Variants in CNTN5 observed in about 807,000 individuals in gnomAD.
The protein encoded by CNTN5 is contactin-5.
A neutral mutation model predicts 129.1 loss-of-function variants in CNTN5; 77 were observed. That is an observed-to-expected ratio of 0.60 (90% CI 0.50 to 0.72). The LOEUF is 0.72. CNTN5 is among the 30% of genes least tolerant of loss of function. The probability of loss-of-function intolerance (pLI) is 0.00; values close to 1 mark genes in which losing one functional copy is unlikely to be tolerated. For missense variants in CNTN5, 1,478 were observed against 1,328.8 expected (o/e 1.11, Z -1.75); for synonymous variants, 509 against 465.6 (o/e 1.09, Z -1.20).
chr11:99,702,628 A>G (rs1162621373), intron 3 of CNTN5, among the ~76,000 whole-genome samples: 1 of 150,930 alleles, frequency 6.6e-6, no homozygotes, highest in East Asian at 1.9e-4. Flanking sequence ...ATATTTCAAA[A>G]TTGGATCATA....
At chr11:100,181,561 T>A (rs60916289) in intron 13 of CNTN5, among the ~76,000 whole-genome samples, 4,697 of 151,918 alleles carry the variant, frequency 0.031, 240 homozygotes, top group African/African-American at 0.11. Flanking sequence ...AAATGCGCAC[T>A]TACACAAATA....
chr11:99,297,366 G>C (rs1864434848), intron 1 of CNTN5, among the ~76,000 whole-genome samples: 1 of 152,082 alleles, frequency 6.6e-6, no homozygotes, highest in African/African-American at 2.4e-5. Context: ...TTTTAGGGAG[G>C]AAAAGGCTCC....
At chr11:99,719,730 A>G (rs1943103204) in intron 3 of CNTN5, among the ~76,000 whole-genome samples, 1 of 152,114 alleles carries the variant, frequency 6.6e-6, no homozygotes, top group Admixed American at 6.6e-5. Context: ...CAAAACTTCA[A>G]GAGATCAACA....
At chr11:99,318,299 G>A (rs1267817256) in intron 1 of CNTN5, among the ~76,000 whole-genome samples, 1 of 152,062 alleles carries the variant, frequency 6.6e-6, no homozygotes, top group Non-Finnish European at 1.5e-5. Flanking sequence ...GAGAAGTTAA[G>A]GAAAGCATGT....
chr11:99,959,829 G>A (rs1183631609), intron 8 of CNTN5, among the ~76,000 whole-genome samples: 4 of 152,108 alleles, frequency 2.6e-5, no homozygotes, highest in Admixed American at 6.6e-5. Context: ...ACATCGTTCA[G>A]TAACAGTCTT....
intron 1 of CNTN5, among the ~76,000 whole-genome samples, chr11:99,227,604 A>G (rs1591384583): frequency 6.6e-6 from 1 of 152,166 alleles, no homozygotes; most frequent in East Asian, 1.9e-4. Context: ...TGTTTTAAAA[A>G]TTCTTTAACA....
chr11:99,267,727 A>G (rs953089289), intron 1 of CNTN5, among the ~76,000 whole-genome samples: 2 of 152,036 alleles, frequency 1.3e-5, no homozygotes, highest in Admixed American at 6.6e-5. Context: ...ATAAGCATCC[A>G]TTTCATTGAA....
chr11:99,639,863 C>CTTTTGAATT (rs1347694761), intron 3 of CNTN5, among the ~76,000 whole-genome samples: 1 of 151,998 alleles, frequency 6.6e-6, no homozygotes, highest in Non-Finnish European at 1.5e-5. Flanking sequence ...CACGTCAGTC[C>CTTTTGAATT]CAAGTCAGCT....
chr11:99,861,974 A>T (rs930760270), intron 6 of CNTN5, among the ~76,000 whole-genome samples: 1 of 152,186 alleles, frequency 6.6e-6, no homozygotes, highest in Non-Finnish European at 1.5e-5. Flanking sequence ...ACTGTAATTC[A>T]AACTTTATTA....
At chr11:99,551,605 GA>G (rs1948484523) in intron 2 of CNTN5, among the ~76,000 whole-genome samples, 2 of 152,122 alleles carry the variant, frequency 1.3e-5, no homozygotes, top group Non-Finnish European at 2.9e-5. Flanking sequence ...CTTCTTAGGT[GA>G]TATAATCATT....
At chr11:99,368,871 G>A (rs532501059) in intron 2 of CNTN5, among the ~76,000 whole-genome samples, 5 of 152,044 alleles carry the variant, frequency 3.3e-5, no homozygotes, top group Admixed American at 6.6e-5. Context: ...GTAACAAAAC[G>A]TAAGAGTTTC....
intron 1 of CNTN5, among the ~76,000 whole-genome samples, chr11:99,270,375 A>C (rs1863116976): frequency 6.6e-6 from 1 of 151,872 alleles, no homozygotes; most frequent in African/African-American, 2.4e-5. Flanking sequence ...TTATGCTATA[A>C]TTCTAAAAAT....
chr11:100,049,850 T>G (rs1246011909), intron 9 of CNTN5, among the ~76,000 whole-genome samples: 3 of 152,126 alleles, frequency 2.0e-5, no homozygotes, highest in Non-Finnish European at 4.4e-5. Context: ...AAGACATTTA[T>G]GCAGCCAAAA....
chr11:99,297,551 T>C (rs1864445440), intron 1 of CNTN5, among the ~76,000 whole-genome samples: 1 of 152,148 alleles, frequency 6.6e-6, no homozygotes, highest in South Asian at 2.1e-4. Context: ...CTTCAATGGA[T>C]TGTTGTTCAC....
intron 2 of CNTN5, among the ~76,000 whole-genome samples, chr11:99,402,572 G>T (rs1324908824): frequency 6.6e-6 from 1 of 152,142 alleles, no homozygotes; most frequent in African/African-American, 2.4e-5. Flanking sequence ...TATGATATCA[G>T]GATAATACTG....
intron 17 of CNTN5, among the ~76,000 whole-genome samples, chr11:100,265,061 GC>G (rs201755952): frequency 0.012 from 1,795 of 152,022 alleles, 27 homozygotes; most frequent in African/African-American, 0.04. Flanking sequence ...CATATCCTTT[GC>G]CCACTTTTTG....
At chr11:99,199,234 A>G (rs1859049636) in intron 1 of CNTN5, among the ~76,000 whole-genome samples, 1 of 152,174 alleles carries the variant, frequency 6.6e-6, no homozygotes, top group African/African-American at 2.4e-5. Context: ...ATAAATGAAG[A>G]AACAAAAGAC....
chr11:99,099,520 G>A (rs910408469), intron 1 of CNTN5, among the ~76,000 whole-genome samples: 7 of 149,020 alleles, frequency 4.7e-5, no homozygotes, highest in Non-Finnish European at 8.9e-5. Context: ...CCCCAGGAAC[G>A]TCTTTACAGC....
chr11:99,478,822 T>C (rs1010335368), intron 2 of CNTN5, among the ~76,000 whole-genome samples: 11 of 152,174 alleles, frequency 7.2e-5, no homozygotes, highest in Non-Finnish European at 1.6e-4. Flanking sequence ...AATATACATG[T>C]GCATTTTATT....
Sources: allele counts gnomAD v4.1 joint callset (sites outside exome capture counted in the v4.1 genomes callset), GRCh38; gene constraint gnomAD v4.1.1; transcripts MANE v1.5; gene names NCBI Gene and HGNC (gene_info 2026-07-23, HGNC 2026-07-21).